The following OR51B5 variants were observed in gnomAD, a reference collection of about 807,000 sequenced individuals.
OR51B5 encodes the protein olfactory receptor family 51 subfamily B member 5, also known as olfactory receptor 51B5.
For missense variants in OR51B5, 456 were observed against 374.6 expected (o/e 1.22, Z -1.79); for synonymous variants, 186 against 144.8 (o/e 1.28, Z -2.04).
upstream of OR51B5, among the ~76,000 whole-genome samples, chr11:5,345,620 CTT>C (rs1423111758): frequency 6.6e-6 from 1 of 152,054 alleles, no homozygotes; most frequent in South Asian, 2.1e-4. Context: ...GCATCCCTTG[CTT>C]TTTTTTCTTG....
At chr11:5,362,573 GTCT>G (rs1849301272) in intron 1 of OR51B5, 2 of 164,284 alleles carry the variant, frequency 1.2e-5, no homozygotes, top group Admixed American at 1.3e-4. Flanking sequence ...AATAACAGAA[GTCT>G]TCTGGTGGCA....
At chr11:5,422,287 C>G (rs1850352260) in intron 1 of OR51B5, 1 of 1,614,094 alleles carries the variant, frequency 6.2e-7, no homozygotes, top group Non-Finnish European at 8.5e-7. Flanking sequence ...ACATCTGGAT[C>G]TCCATCCCCG....
At chr11:5,351,426 G>T in intron 1 of OR51B5, 1 of 1,058,794 alleles carries the variant, frequency 9.4e-7, no homozygotes, top group Non-Finnish European at 1.4e-6. Flanking sequence ...TGAACAGGTA[G>T]AATTCTCAAG....
At chr11:5,453,835 T>G in intron 1 of OR51B5, 1 of 1,614,258 alleles carries the variant, frequency 6.2e-7, no homozygotes, top group South Asian at 1.1e-5. Context: ...GGTATTCTGC[T>G]GGCCATGAGT....
chr11:5,423,582 G>A (rs2736585), intron 1 of OR51B5, among the ~76,000 whole-genome samples: 58,136 of 151,938 alleles, frequency 0.38, 11,712 homozygotes, highest in East Asian at 0.71. Flanking sequence ...TCTGTTCTGG[G>A]TCACTCTCAC....
At chr11:5,384,106 G>A (rs959240830) in intron 1 of OR51B5, among the ~76,000 whole-genome samples, 3 of 152,072 alleles carry the variant, frequency 2.0e-5, no homozygotes, top group East Asian at 1.9e-4. Flanking sequence ...TTAGCCAAAT[G>A]GATTCCCCAC....
At chr11:5,378,601 A>C (rs1317276692) in intron 1 of OR51B5, among the ~76,000 whole-genome samples, 1 of 152,226 alleles carries the variant, frequency 6.6e-6, no homozygotes, top group Non-Finnish European at 1.5e-5. Context: ...TAATGAACTC[A>C]AACAAATTTA....
At chr11:5,417,159 C>A (rs202044754) in intron 1 of OR51B5, among the ~76,000 whole-genome samples, 37 of 152,008 alleles carry the variant, frequency 2.4e-4, no homozygotes, top group African/African-American at 8.5e-4. Context: ...ACAAACCTGA[C>A]AAAAACAAGC....
chr11:5,350,098 T>G (rs1406061065), intron 1 of OR51B5, among the ~76,000 whole-genome samples: 1 of 152,152 alleles, frequency 6.6e-6, no homozygotes, highest in African/African-American at 2.4e-5. Flanking sequence ...AGGAGGTACT[T>G]CTCTGAAACA....
chr11:5,389,762 A>G, intron 1 of OR51B5: 2 of 1,613,882 alleles, frequency 1.2e-6, no homozygotes, highest in Non-Finnish European at 1.7e-6. Flanking sequence ...TTTTTCCTTC[A>G]TGGAGTCCTC....
At chr11:5,452,431 G>A (rs11037486) in intron 1 of OR51B5, among the ~76,000 whole-genome samples, 70,427 of 145,848 alleles carry the variant, frequency 0.48, 16,805 homozygotes, top group Non-Finnish European at 0.51. Context: ...GCGTGAACCC[G>A]GGAGGTGGAG....
intron 1 of OR51B5, among the ~76,000 whole-genome samples, chr11:5,441,778 G>A (rs1589997971): frequency 6.6e-6 from 1 of 152,084 alleles, no homozygotes; most frequent in Admixed American, 6.6e-5. Flanking sequence ...ACATAGCAAG[G>A]CATAATAGGA....
At chr11:5,447,671 C>T (rs1053525947) in intron 1 of OR51B5, among the ~76,000 whole-genome samples, 1 of 152,066 alleles carries the variant, frequency 6.6e-6, no homozygotes, top group Admixed American at 6.5e-5. Context: ...CAACCAGCTC[C>T]CAAGATCTAC....
At chr11:5,422,216 A>G in intron 1 of OR51B5, 1 of 1,611,014 alleles carries the variant, frequency 6.2e-7, no homozygotes, top group Non-Finnish European at 8.5e-7. Context: ...CCAGGTGACT[A>G]ACACCACACA....
chr11:5,481,695 A>C lies in OR51B5; in HGVS notation n.84+23874T>G, dbSNP rs1035637092. 5.9e-5 allele frequency among the ~76,000 whole-genome samples: 7 copies of C among 118,938 alleles called. 2 individuals are homozygous for C. Among genetic ancestry groups the C allele is most frequent in the Non-Finnish European group, 1.2e-4 (7 of 59,648 alleles). 78.0% of individuals were successfully genotyped at this position (118,938 alleles called of 152,430 possible). ...ACAAAATCAATGTACAAAAATCACA[A>C]GCATTCTTATACACCAACAACAGAC... On this transcript the variant is annotated intron_variant and non_coding_transcript_variant, in intron 1 of 4. Transcript: ENST00000415970.
At chr11:5,421,007 C>G (rs926177158) in intron 1 of OR51B5, among the ~76,000 whole-genome samples, 2 of 152,196 alleles carry the variant, frequency 1.3e-5, no homozygotes, top group East Asian at 3.8e-4. Context: ...AGAAGGAAGT[C>G]TTTTAGAACT....
At chr11:5,503,557 A>C (rs988091036) in intron 1 of OR51B5, among the ~76,000 whole-genome samples, 1 of 152,234 alleles carries the variant, frequency 6.6e-6, no homozygotes. Context: ...CTGAAATTTG[A>C]CATCTGCTAT....
intron 1 of OR51B5, chr11:5,488,785 C>T: frequency 3.1e-6 from 5 of 1,614,038 alleles, no homozygotes; most frequent in Non-Finnish European, 4.2e-6. Flanking sequence ...GGAGGCTGCC[C>T]ACTTCTGGAT....
chr11:5,450,881 C>G (rs1163568514), intron 1 of OR51B5, among the ~76,000 whole-genome samples: 1 of 151,982 alleles, frequency 6.6e-6, no homozygotes, highest in Non-Finnish European at 1.5e-5. Flanking sequence ...CATCCATGTC[C>G]CTGCAAAGGA....
Sources: allele counts gnomAD v4.1 joint callset (sites outside exome capture counted in the v4.1 genomes callset), GRCh38; gene constraint gnomAD v4.1.1; transcripts MANE v1.5; gene names NCBI Gene and HGNC (gene_info 2026-07-23, HGNC 2026-07-21).